Variants in CIMAP1D observed in about 807,000 individuals in gnomAD.
The protein encoded by CIMAP1D is CIMAP1 family member D, also known as protein CIMAP1D.
chr19:478,597 G>A, the CIMAP1D span, among the ~76,000 whole-genome samples: 1 of 152,256 alleles, frequency 6.6e-6, no homozygotes, highest in Non-Finnish European at 1.5e-5. Context: ...TGTCGCAACT[G>A]CCAAGCAAAG....
the CIMAP1D span, chr19:472,394 C>T: frequency 2.6e-6 from 4 of 1,529,644 alleles, no homozygotes; most frequent in Non-Finnish European, 2.6e-6. Flanking sequence ...CCCGCCTTAC[C>T]CTCACTGGGC....
the CIMAP1D span, among the ~76,000 whole-genome samples, chr19:467,297 G>A: frequency 6.6e-6 from 1 of 151,928 alleles, no homozygotes; most frequent in African/African-American, 2.4e-5. Context: ...GGAGAATGGA[G>A]TCAGGCAGGT....
the CIMAP1D span, among the ~76,000 whole-genome samples, chr19:474,275 C>G: frequency 9.9e-5 from 15 of 152,278 alleles, no homozygotes; most frequent in Admixed American, 4.6e-4. Flanking sequence ...CCCTGCCCCA[C>G]GTTGTCTAGG....
the CIMAP1D span, among the ~76,000 whole-genome samples, chr19:480,527 G>GT: frequency 1.1e-3 from 111 of 100,928 alleles, 7 homozygotes; most frequent in African/African-American, 7.8e-3. Context: ...GAAGGATGAT[G>GT]GGGAAGGATG....
chr19:490,145 C>A, the CIMAP1D span: 3 of 382,558 alleles, frequency 7.8e-6, no homozygotes, highest in South Asian at 1.4e-4. Context: ...CACCTGAGGT[C>A]AGGAGTTTGA....
chr19:464,261 C>T, the CIMAP1D span: 5 of 1,536,590 alleles, frequency 3.3e-6, no homozygotes, highest in South Asian at 1.2e-5. Flanking sequence ...CCAGGGGCTT[C>T]AGGGGGAGGC....
At chr19:468,635 TTGC>T in the CIMAP1D span, among the ~76,000 whole-genome samples, 1 of 152,330 alleles carries the variant, frequency 6.6e-6, no homozygotes, top group East Asian at 1.9e-4. Context: ...TTGAGACCGT[TTGC>T]TGCTTTCACC....
chr19:478,385 C>T, the CIMAP1D span, among the ~76,000 whole-genome samples: 29 of 96,644 alleles, frequency 3.0e-4, no homozygotes, highest in East Asian at 0.013. Context: ...CACCTGCCTC[C>T]GTTTCCCCAT....
chr19:464,141 G>T, the CIMAP1D span: 1 of 484,692 alleles, frequency 2.1e-6, no homozygotes, highest in Non-Finnish European at 3.7e-6. Context: ...GGGGGCGGGC[G>T]GGGGGGGTGC....
the CIMAP1D span, among the ~76,000 whole-genome samples, chr19:485,606 A>T: frequency 2.0e-5 from 3 of 152,314 alleles, no homozygotes; most frequent in Admixed American, 6.5e-5. Context: ...GGGGTTAGCG[A>T]TCCTCCCACC....
chr19:483,220 C>G, the CIMAP1D span, among the ~76,000 whole-genome samples: 20 of 152,002 alleles, frequency 1.3e-4, no homozygotes, highest in Non-Finnish European at 2.2e-4. Flanking sequence ...TGCTCTCCAC[C>G]TCACAGCCAC....
the CIMAP1D span, among the ~76,000 whole-genome samples, chr19:473,300 C>G: frequency 5.7e-3 from 74 of 12,998 alleles, no homozygotes; most frequent in Admixed American, 7.8e-3. Context: ...GAAACTGAGG[C>G]CTAGGCAGAG....
chr19:474,263 C>T, the CIMAP1D span, among the ~76,000 whole-genome samples: 1 of 152,216 alleles, frequency 6.6e-6, no homozygotes, highest in South Asian at 2.1e-4. Flanking sequence ...ACGCGCCCCT[C>T]GCCCTGCCCC....
At chr19:463,651 C>A in the CIMAP1D span, 30 of 812,386 alleles carry the variant, frequency 3.7e-5, no homozygotes, top group Non-Finnish European at 5.2e-5. Flanking sequence ...CACCCTGCAC[C>A]CTGCACAGGG....
the CIMAP1D span, chr19:472,358 C>T: frequency 1.1e-5 from 13 of 1,236,178 alleles, no homozygotes; most frequent in Non-Finnish European, 1.4e-5. Context: ...ATTGGAGGAT[C>T]AGGGAAGCCT....
At chr19:477,064 A>G in the CIMAP1D span, among the ~76,000 whole-genome samples, 13 of 152,146 alleles carry the variant, frequency 8.5e-5, no homozygotes, top group Non-Finnish European at 1.6e-4. Flanking sequence ...AAAATCAGCC[A>G]GGAGTGGTGG....
At chr19:486,742 G>A in the CIMAP1D span, among the ~76,000 whole-genome samples, 26 of 151,370 alleles carry the variant, frequency 1.7e-4, no homozygotes, top group Admixed American at 9.2e-4. Flanking sequence ...GTGAAACCCC[G>A]TCTCTACTAA....
chr19:489,682 G>A, the CIMAP1D span: 1 of 223,542 alleles, frequency 4.5e-6, no homozygotes, highest in African/African-American at 2.3e-5. Flanking sequence ...GACAACCACA[G>A]ATGGCCCCAG....
chr19:485,146 G>A, the CIMAP1D span, among the ~76,000 whole-genome samples: 20 of 152,140 alleles, frequency 1.3e-4, no homozygotes, highest in African/African-American at 4.1e-4. Context: ...GGAGGACCCT[G>A]CTGACCTGCT....
Sources: gnomAD v4.1 joint callset for allele counts (sites outside exome capture counted in the v4.1 genomes callset) on GRCh38, gnomAD v4.1.1 for gene constraint, MANE v1.5 for transcripts, NCBI Gene and HGNC (gene_info 2026-07-23, HGNC 2026-07-21) for gene names.